The following TNRC6B variants were observed in gnomAD, a reference collection of about 807,000 sequenced individuals.
The protein encoded by TNRC6B is trinucleotide repeat-containing gene 6B protein.
Under a neutral mutation model 203.6 loss-of-function variants are expected in TNRC6B, and 52 were observed. The ratio of observed to expected loss-of-function variants is 0.26; its 90% CI spans 0.20 to 0.32. The LOEUF (loss-of-function observed/expected upper bound fraction) is 0.32, where lower values mean the gene tolerates loss of function less well. Among genes scored for constraint, TNRC6B ranks in the 10% least tolerant of loss-of-function variants. TNRC6B has a pLI of 1.00. For synonymous variants in TNRC6B, 838 were observed against 845.7 expected (o/e 0.99, Z 0.16); for missense variants, 1,923 against 2,286.2 (o/e 0.84, Z 3.24).
chr22:40,200,365 C>T (rs544364714), intron 1 of TNRC6B, among the ~76,000 whole-genome samples: 1 of 123,220 alleles, frequency 8.1e-6, no homozygotes, highest in African/African-American at 3.0e-5. Flanking sequence ...CGGCTCACTA[C>T]AACCTCTGCC....
At chr22:40,062,073 CA>C (rs1464879077) in intron 1 of TNRC6B, among the ~76,000 whole-genome samples, 8 of 152,190 alleles carry the variant, frequency 5.3e-5, no homozygotes, top group African/African-American at 7.2e-5. Flanking sequence ...GACTCTGTCT[CA>C]AAAATAAAAA....
At chr22:40,214,113 A>G (rs2069600613) in intron 1 of TNRC6B, among the ~76,000 whole-genome samples, 1 of 152,062 alleles carries the variant, frequency 6.6e-6, no homozygotes, top group African/African-American at 2.4e-5. Context: ...TAAAAAATAT[A>G]AAAACTAGCC....
intron 1 of TNRC6B, among the ~76,000 whole-genome samples, chr22:40,222,367 T>A (rs184124660): frequency 6.6e-6 from 1 of 152,108 alleles, no homozygotes. Flanking sequence ...AAGGCCTTAC[T>A]AGGACCAGAA....
chr22:40,158,977 G>T (rs1188665940), intron 4 of TNRC6B, among the ~76,000 whole-genome samples: 2 of 151,746 alleles, frequency 1.3e-5, no homozygotes, highest in South Asian at 4.2e-4. Flanking sequence ...ATTTTTTTGC[G>T]TGTGTGACAG....
At chr22:40,147,077 A>T (rs1437150357) in intron 3 of TNRC6B, among the ~76,000 whole-genome samples, 1 of 152,234 alleles carries the variant, frequency 6.6e-6, no homozygotes, top group Non-Finnish European at 1.5e-5. Context: ...GGATAAACAA[A>T]ATGTGGTATA....
intron 1 of TNRC6B, among the ~76,000 whole-genome samples, chr22:40,191,341 T>C (rs2069270602): frequency 6.6e-6 from 1 of 152,166 alleles, no homozygotes; most frequent in Admixed American, 6.5e-5. Context: ...GTTGCTTGGG[T>C]CAGTGTTAGC....
Position 40,054,023 on chromosome 22 carries a change from C to T in TNRC6B, c.-121+9025C>T, listed in dbSNP as rs1479990787. On this transcript the variant is annotated intron_variant, in intron 1 of 23. Coordinates refer to the TNRC6B transcript ENST00000301923. ...CTTGAGCTCAGGAGGTCAAGACCAG[C>T]CTGGGCAACATAGCAAAACCCTGTC... is the stretch of plus-strand genomic sequence containing the variant. 3.3e-5 allele frequency among the ~76,000 whole-genome samples: 5 copies of T among 152,130 alleles called. No individual in the cohort carries two copies. In the East Asian group the frequency reaches 7.7e-4, roughly 23 times the overall value.
intron 3 of TNRC6B, 76 bp from the exon 4 acceptor site, chr22:40,261,756 A>T: frequency 8.3e-7 from 1 of 1,209,172 alleles, no homozygotes; most frequent in Non-Finnish European, 1.1e-6. Context: ...ATAAAATAAT[A>T]AAATTATTTT....
intron 5 of TNRC6B, 22 bp downstream of exon 5, chr22:40,267,058 C>A: frequency 6.6e-7 from 1 of 1,516,978 alleles, no homozygotes; most frequent in Non-Finnish European, 8.8e-7. Context: ...CTTTCTCTTG[C>A]AGCTTTTGAT....
At chr22:40,239,441 T>A (rs1275671650) in intron 1 of TNRC6B, among the ~76,000 whole-genome samples, 1 of 151,960 alleles carries the variant, frequency 6.6e-6, no homozygotes, top group Admixed American at 6.6e-5. Flanking sequence ...GACGGGGCAA[T>A]AGTTGTGGGG....
chr22:40,101,456 C>G (rs1195547053), intron 1 of TNRC6B, among the ~76,000 whole-genome samples: 1 of 152,170 alleles, frequency 6.6e-6, no homozygotes, highest in Non-Finnish European at 1.5e-5. Context: ...AGTGCTGTTG[C>G]TGCTGTCTGG....
chr22:40,312,012 T>G (rs533054263), intron 17 of TNRC6B, among the ~76,000 whole-genome samples: 3 of 152,382 alleles, frequency 2.0e-5, no homozygotes, highest in Admixed American at 6.5e-5. Flanking sequence ...GGCTTTCTTT[T>G]GCTAAGCTAA....
At chr22:40,157,222 A>G (rs1411299080) in intron 4 of TNRC6B, among the ~76,000 whole-genome samples, 1 of 152,164 alleles carries the variant, frequency 6.6e-6, no homozygotes, top group Non-Finnish European at 1.5e-5. Context: ...TTTAAAGGAA[A>G]AACAGTTAAG....
chr22:40,307,280 C>T (rs951077054), intron 15 of TNRC6B, among the ~76,000 whole-genome samples: 4 of 152,110 alleles, frequency 2.6e-5, no homozygotes, highest in African/African-American at 4.8e-5. Flanking sequence ...ATTGAGGACC[C>T]TTTATGGGTA....
chr22:40,327,907 C>T lies in TNRC6B; in HGVS notation c.*4666C>T, dbSNP rs779546836. On this transcript the variant is annotated 3_prime_UTR_variant, in exon 23 of 23. Coordinates refer to ENST00000454349, the MANE Select transcript of TNRC6B (RefSeq NM_001162501.2). ...ATTACTAGTGGCTTAGAGGTGTGTACATCTCCTGAACATCACAAACTTGGT... is the reference window on the plus strand; with the variant it reads ...ATTACTAGTGGCTTAGAGGTGTGTATATCTCCTGAACATCACAAACTTGGT... The T allele has an allele frequency of 7.3e-5, 11 of 151,468 alleles. No individual in the cohort carries two copies. The highest frequency in any genetic ancestry group is 1.5e-4 in the Non-Finnish European group (10 of 67,942). 9.4% of individuals were successfully genotyped at this position (151,468 alleles called of 1,614,324 possible).
At chr22:40,227,110 T>TTATTAC (rs1555891422) in intron 1 of TNRC6B, among the ~76,000 whole-genome samples, 2 of 145,864 alleles carry the variant, frequency 1.4e-5, no homozygotes, top group Non-Finnish European at 3.0e-5. Flanking sequence ...ATTATTATTA[T>TTATTAC]TATTATTTGT....
intron 4 of TNRC6B, among the ~76,000 whole-genome samples, chr22:40,158,109 G>A (rs1601848301): frequency 6.6e-6 from 1 of 152,080 alleles, no homozygotes; most frequent in Admixed American, 6.6e-5. Flanking sequence ...AGGCCAAGGC[G>A]AGTGGATCAC....
chr22:40,276,021 G>C (rs758483357), intron 7 of TNRC6B, among the ~76,000 whole-genome samples: 1 of 150,936 alleles, frequency 6.6e-6, no homozygotes, highest in African/African-American at 2.4e-5. Context: ...TAAGTACTTC[G>C]TCACTTTCAA....
chr22:40,079,890 G>C (rs1256405153), intron 1 of TNRC6B, among the ~76,000 whole-genome samples: 1 of 152,144 alleles, frequency 6.6e-6, no homozygotes, highest in Non-Finnish European at 1.5e-5. Context: ...CCGCCTCCCG[G>C]CTTCATGCCA....
Sources: allele counts gnomAD v4.1 joint callset (sites outside exome capture counted in the v4.1 genomes callset), GRCh38; gene constraint gnomAD v4.1.1; transcripts MANE v1.5; gene names NCBI Gene and HGNC (gene_info 2026-07-23, HGNC 2026-07-21).